STXBP5L: variants seen among roughly 807,000 people sequenced by gnomAD.
STXBP5L encodes syntaxin binding protein 5L.
In STXBP5L, 65 loss-of-function variants were observed where a neutral mutation model predicts 144.5. The observed-to-expected ratio is 0.45, with a 90% CI of 0.37 to 0.55. The LOEUF (loss-of-function observed/expected upper bound fraction) is 0.55. STXBP5L is among the 20% of genes least tolerant of loss of function. The pLI is 0.00. For synonymous variants in STXBP5L, 505 were observed against 469.6 expected (o/e 1.08, Z -0.97); for missense variants, 1,298 against 1,405.5 (o/e 0.92, Z 1.22).
intron 14 of STXBP5L, among the ~76,000 whole-genome samples, chr3:121,245,751 A>G (rs2049828614): frequency 6.6e-6 from 1 of 152,216 alleles, no homozygotes; most frequent in Admixed American, 6.5e-5. Context: ...AAAAGTACAA[A>G]TATGTATGAA....
At chr3:121,041,585 A>G in intron 3 of STXBP5L, 115 bp from the exon 4 acceptor site, 3 of 726,212 alleles carry the variant, frequency 4.1e-6, no homozygotes, top group Non-Finnish European at 6.9e-6. Context: ...TCAACTATTT[A>G]TAAAAATAAG....
intron 5 of STXBP5L, among the ~76,000 whole-genome samples, chr3:121,088,921 A>G (rs1335913349): frequency 1.3e-5 from 1 of 74,950 alleles, no homozygotes; most frequent in Non-Finnish European, 2.6e-5. Flanking sequence ...GAAGGGGAAT[A>G]TCACACTCTG....
chr3:121,156,150 A>T (rs777412451), intron 8 of STXBP5L, among the ~76,000 whole-genome samples: 1 of 152,024 alleles, frequency 6.6e-6, no homozygotes, highest in Non-Finnish European at 1.5e-5. Flanking sequence ...GAGAGAAAAC[A>T]CAAGTCCAGG....
intron 7 of STXBP5L, among the ~76,000 whole-genome samples, chr3:121,137,943 G>A (rs1163752295): frequency 6.6e-6 from 1 of 152,096 alleles, no homozygotes; most frequent in Non-Finnish European, 1.5e-5. Flanking sequence ...AACTAGGCAA[G>A]TGAAAGAAAT....
Position 121,034,351 on chromosome 3 carries a change from T to C in STXBP5L, c.288-7349T>C, listed in dbSNP as rs115484446. The stretch of plus-strand genomic sequence containing the variant: ...CACACTTTATGTCCATGTGGACACG[T>C]TATTTAACTCCCATCTATAAGTGAG... On this transcript the variant is annotated intron_variant, in intron 3 of 26. Coordinates refer to ENST00000471454, the MANE Select transcript of STXBP5L (RefSeq NM_001308330.2). Among the ~76,000 whole-genome samples the C allele has an allele frequency of 7.8e-3, 1,191 of 152,246 alleles. 7 individuals are homozygous for C. Among genetic ancestry groups the C allele is most frequent in the Non-Finnish European group, 0.013 (892 of 67,980 alleles).
At chr3:121,198,149 C>T (rs1390533805) in intron 9 of STXBP5L, among the ~76,000 whole-genome samples, 2 of 152,142 alleles carry the variant, frequency 1.3e-5, no homozygotes, top group Non-Finnish European at 2.9e-5. Flanking sequence ...ACAGACTCAC[C>T]AGCGTCTGTT....
At position 121,327,748 on chromosome 3, in the gene STXBP5L, A is replaced by G. The variant is rs193102950; in HGVS notation, c.2176+9208A>G. Among the ~76,000 whole-genome samples, 8 of 152,206 alleles carry G rather than the reference A, an allele frequency of 5.3e-5. No homozygotes were observed. The East Asian group carries it at 7.7e-4, about 15-fold the overall frequency. On this transcript the variant is annotated intron_variant, in intron 20 of 26. Transcript: ENST00000471454. ...TTCTTTTGTTTTTGATTTGGTTTCT[A>G]TTTTCAAAAAGTATGCTACAGCATG...
At chr3:121,107,340 T>C (rs568435736) in intron 5 of STXBP5L, among the ~76,000 whole-genome samples, 21 of 152,294 alleles carry the variant, frequency 1.4e-4, no homozygotes, top group South Asian at 6.2e-4. Flanking sequence ...AGAGTTTTTA[T>C]AGTTTGGGGT....
chr3:121,103,762 T>A (rs1030937018), intron 5 of STXBP5L, among the ~76,000 whole-genome samples: 1 of 152,164 alleles, frequency 6.6e-6, no homozygotes, highest in African/African-American at 2.4e-5. Context: ...TACAAATGAC[T>A]TCTGTTGGTT....
chr3:121,144,747 C>T lies in STXBP5L; in HGVS notation c.670-7730C>T, dbSNP rs73855340. On this transcript the variant is annotated intron_variant, in intron 7 of 26. Coordinates refer to ENST00000471454, the MANE Select transcript of STXBP5L (RefSeq NM_001308330.2). ...GAATAAACAACATGTGGTTACCCAG[C>T]CCTTATTAGGGTGGAAGAGTATCCC... 7.9e-3 allele frequency among the ~76,000 whole-genome samples: 1,197 copies of T among 152,014 alleles called. 13 individuals carry two copies. The highest frequency in any genetic ancestry group is 0.028 in the African/African-American group (1,155 of 41,540).
chr3:120,981,668 T>G (rs771242324), intron 3 of STXBP5L, among the ~76,000 whole-genome samples: 4 of 152,244 alleles, frequency 2.6e-5, no homozygotes, highest in African/African-American at 9.6e-5. Context: ...TTTGAATTCT[T>G]TATCTTTGAA....
At chr3:121,226,858 G>A (rs554323396) in intron 11 of STXBP5L, among the ~76,000 whole-genome samples, 84 of 152,236 alleles carry the variant, frequency 5.5e-4, no homozygotes, top group Middle Eastern at 3.4e-3. Flanking sequence ...GACCAAGTCA[G>A]GCATTAGATT....
intron 20 of STXBP5L, among the ~76,000 whole-genome samples, chr3:121,359,280 T>C (rs1484678292): frequency 6.6e-6 from 1 of 152,224 alleles, no homozygotes; most frequent in African/African-American, 2.4e-5. Context: ...TCAAATATTT[T>C]GCCCATCTTT....
chr3:120,990,616 TG>T (rs1321720572), intron 3 of STXBP5L, among the ~76,000 whole-genome samples: 1 of 151,930 alleles, frequency 6.6e-6, no homozygotes, highest in African/African-American at 2.4e-5. Flanking sequence ...AGCATGGTAC[TG>T]GTACCAAAAC....
intron 20 of STXBP5L, among the ~76,000 whole-genome samples, chr3:121,339,111 CA>C (rs774057837): frequency 6.6e-6 from 1 of 151,842 alleles, no homozygotes. Flanking sequence ...AAACAAAAAA[CA>C]AAAAAACACA....
chr3:120,973,339 T>C (rs1016458137), intron 3 of STXBP5L, among the ~76,000 whole-genome samples: 1 of 152,018 alleles, frequency 6.6e-6, no homozygotes, highest in Non-Finnish European at 1.5e-5. Context: ...TTCCTCTTGG[T>C]TTTTAGTTTG....
chr3:121,150,541 GTATGT>G lies in STXBP5L; in HGVS notation c.670-1932_670-1928del, dbSNP rs551052525. 3.4e-3 allele frequency among the ~76,000 whole-genome samples: 523 copies of G among 152,092 alleles called. 2 individuals carry two copies. Among genetic ancestry groups the G allele is most frequent in the African/African-American group, 0.012 (491 of 41,506 alleles). ...CAGTTTATGGTGTTTTTGAGGTTCA[GTATGT>G]TATATTTTGTGATTTACTGGGGCTA... On this transcript the variant is annotated intron_variant, in intron 7 of 26. Coordinates refer to ENST00000471454, the MANE Select transcript of STXBP5L (RefSeq NM_001308330.2).
intron 3 of STXBP5L, among the ~76,000 whole-genome samples, chr3:120,992,130 T>C (rs1433836928): frequency 6.6e-6 from 1 of 152,142 alleles, no homozygotes; most frequent in African/African-American, 2.4e-5. Context: ...AATCTGCTTT[T>C]TTCTTTAAAA....
chr3:121,000,567 TTGA>T (rs1436927543), intron 3 of STXBP5L, among the ~76,000 whole-genome samples: 2 of 152,380 alleles, frequency 1.3e-5, no homozygotes, highest in East Asian at 1.9e-4. Flanking sequence ...CTCCTGAATC[TTGA>T]TGATCATTGC....
Sources: gnomAD v4.1 joint callset for allele counts (sites outside exome capture counted in the v4.1 genomes callset) on GRCh38, gnomAD v4.1.1 for gene constraint, MANE v1.5 for transcripts, NCBI Gene and HGNC (gene_info 2026-07-23, HGNC 2026-07-21) for gene names.